The following C8orf34 variants were observed in gnomAD, a reference collection of about 807,000 sequenced individuals.
The protein encoded by C8orf34 is uncharacterized protein C8orf34.
In C8orf34, 65 loss-of-function variants were observed where a neutral mutation model predicts 68.3. The observed-to-expected ratio is 0.95, with a 90% confidence interval of 0.78 to 1.17. The LOEUF (loss-of-function observed/expected upper bound fraction) is 1.17. C8orf34 is among the 50% of genes most tolerant of loss of function. The pLI is 0.00. For missense variants in C8orf34, 664 were observed against 655.4 expected, an observed-to-expected ratio of 1.01 and a Z score of -0.14; for synonymous variants, 244 against 241.2, an observed-to-expected ratio of 1.01 and a Z score of -0.11.
At chr8:68,758,734 C>T (rs1430905145) in intron 10 of C8orf34, among the ~76,000 whole-genome samples, 1 of 140,876 alleles carries the variant, frequency 7.1e-6, no homozygotes, top group Non-Finnish European at 1.5e-5. Context: ...AGAGACTGTA[C>T]ATTATTCCCT....
At chr8:68,535,940 C>A (rs1399627624) in intron 7 of C8orf34, 9 of 857,968 alleles carry the variant, frequency 1.0e-5, no homozygotes, top group Admixed American at 6.2e-5. Context: ...AAGATATTTT[C>A]AAATATTTTA....
At chr8:68,607,668 G>A (rs1376535380) in intron 7 of C8orf34, among the ~76,000 whole-genome samples, 1 of 152,030 alleles carries the variant, frequency 6.6e-6, no homozygotes, top group East Asian at 1.9e-4. Context: ...GAAAAATCCA[G>A]ATTTATTGTA....
intron 10 of C8orf34, among the ~76,000 whole-genome samples, chr8:68,737,065 G>T (rs974929357): frequency 6.6e-6 from 1 of 152,048 alleles, no homozygotes; most frequent in Non-Finnish European, 1.5e-5. Context: ...ACAACTATAA[G>T]TAATAGGATT....
At chr8:68,335,990 G>A (rs907105917) in intron 1 of C8orf34, among the ~76,000 whole-genome samples, 1 of 152,164 alleles carries the variant, frequency 6.6e-6, no homozygotes, top group African/African-American at 2.4e-5. Flanking sequence ...GGGAGGCTGA[G>A]GCAGGAGAAT....
rs79547100 is a variant in C8orf34, at chr8:68,356,150, T to A, written c.327+24811T>A. Among the ~76,000 whole-genome samples the A allele has an allele frequency of 8.1e-3, 1,233 of 152,276 alleles. 41 individuals carry two copies. The East Asian group carries it at 0.1, about 13-fold the overall frequency. On this transcript the variant is annotated intron_variant, in intron 1 of 13. Transcript: ENST00000518698. ...CAAATGCGTTTATGAATGAAAAATA[T>A]CAGGGCAAGCCTGTCAAATCTGAAA...
chr8:68,564,060 C>A (rs1158302105), intron 7 of C8orf34, among the ~76,000 whole-genome samples: 8 of 152,282 alleles, frequency 5.3e-5, no homozygotes, highest in African/African-American at 1.9e-4. Context: ...ACTATAGAGT[C>A]TGCATATCCT....
At chr8:68,743,962 C>T (rs1822390864) in intron 10 of C8orf34, among the ~76,000 whole-genome samples, 1 of 152,176 alleles carries the variant, frequency 6.6e-6, no homozygotes. Flanking sequence ...CAGCAGTAAC[C>T]TCTGCAGACT....
chr8:68,691,472 C>G (rs552809973), intron 8 of C8orf34, among the ~76,000 whole-genome samples: 20 of 151,962 alleles, frequency 1.3e-4, no homozygotes, highest in Admixed American at 4.6e-4. Flanking sequence ...GGAACAGAAC[C>G]CACATTATCT....
At chr8:68,629,935 T>C (rs1197790875) in intron 7 of C8orf34, among the ~76,000 whole-genome samples, 1 of 152,066 alleles carries the variant, frequency 6.6e-6, no homozygotes, top group East Asian at 1.9e-4. Flanking sequence ...GTATAGCAAA[T>C]AATTTTAAAA....
chr8:68,774,563 G>A lies in C8orf34; in HGVS notation c.1405-1836G>A, dbSNP rs576604703. Among the ~76,000 whole-genome samples the A allele has an allele frequency of 7.9e-5, 12 of 151,706 alleles. 1 individual carries two copies. The South Asian group carries it at 2.5e-3, about 32-fold the overall frequency. ...AAGCATTTGGAAACATTTAAACTACGGCATATTAATGTTTTGCCAGTGGAA... is the reference window on the plus strand; with the variant it reads ...AAGCATTTGGAAACATTTAAACTACAGCATATTAATGTTTTGCCAGTGGAA... On this transcript the variant is annotated intron_variant, in intron 10 of 13. Coordinates refer to ENST00000518698, the MANE Select transcript of C8orf34 (RefSeq NM_052958.4).
intron 5 of C8orf34, among the ~76,000 whole-genome samples, chr8:68,489,495 A>C (rs1278838073): frequency 6.6e-6 from 1 of 152,212 alleles, no homozygotes; most frequent in Non-Finnish European, 1.5e-5. Context: ...GTCTAAAACA[A>C]AATTCATTTG....
chr8:68,640,983 C>A (rs969866899), intron 8 of C8orf34, among the ~76,000 whole-genome samples: 1 of 152,228 alleles, frequency 6.6e-6, no homozygotes, highest in Non-Finnish European at 1.5e-5. Context: ...TGGAAGCAAT[C>A]TTTGCATATA....
rs117134577 is a variant in C8orf34 at position 68,814,580 on chromosome 8, G to A, written c.1550-1306G>A. ...TCCTATTCATCTAAATTTTAATACCGAAAAATGTTAAATACCCATTACTTG... is the reference window on the plus strand; with the variant it reads ...TCCTATTCATCTAAATTTTAATACCAAAAAATGTTAAATACCCATTACTTG... On this transcript the variant is annotated intron_variant, in intron 12 of 13. Transcript: ENST00000518698. Among the ~76,000 whole-genome samples the A allele has an allele frequency of 6.6e-5, 10 of 151,954 alleles. No individual in the cohort carries two copies. The East Asian group carries it at 9.7e-4, about 15-fold the overall frequency.
chr8:68,569,697 G>C lies in C8orf34; in HGVS notation c.1105+36548G>C, dbSNP rs1250106518. Among the ~76,000 whole-genome samples the C allele has an allele frequency of 2.0e-5, 3 of 152,330 alleles. No individual in the cohort carries two copies. In the East Asian group the frequency reaches 5.8e-4, roughly 29 times the overall value. ...TTCAGGGAAATAGTTTAGCTAAGTT[G>C]TCAGAGTACTACAAACTCTGTGCTG... is the stretch of plus-strand genomic sequence containing the variant. On this transcript the variant is annotated intron_variant, in intron 7 of 13. Transcript: ENST00000518698.
At chr8:68,808,688 C>T (rs1393744561) in intron 12 of C8orf34, among the ~76,000 whole-genome samples, 1 of 151,776 alleles carries the variant, frequency 6.6e-6, no homozygotes, top group African/African-American at 2.4e-5. Flanking sequence ...AAATACTGTG[C>T]CATTTTTTAT....
chr8:68,582,198 T>C (rs1483347227), intron 7 of C8orf34, among the ~76,000 whole-genome samples: 4 of 152,074 alleles, frequency 2.6e-5, no homozygotes, highest in African/African-American at 9.7e-5. Context: ...TTAGACTCAA[T>C]GAAGAACGGA....
intron 7 of C8orf34, among the ~76,000 whole-genome samples, chr8:68,630,945 ATTTTTTTTTTTTTT>A (rs36031699): frequency 2.5e-5 from 3 of 118,342 alleles, no homozygotes; most frequent in Admixed American, 9.1e-5. Context: ...ATGCCCAGCT[ATTTTTTTTTTTTTT>A]TTTTTTTTAA....
intron 1 of C8orf34, among the ~76,000 whole-genome samples, chr8:68,376,811 C>T (rs1807823320): frequency 6.6e-6 from 1 of 152,080 alleles, no homozygotes; most frequent in African/African-American, 2.4e-5. Context: ...TACCCTTCAT[C>T]TAGAATCTGA....
intron 8 of C8orf34, among the ~76,000 whole-genome samples, chr8:68,653,342 T>C (rs941760730): frequency 6.6e-6 from 1 of 152,256 alleles, no homozygotes; most frequent in Non-Finnish European, 1.5e-5. Flanking sequence ...TATCTTACTC[T>C]GTATAGCAAT....
Sources: gnomAD v4.1 joint callset for allele counts (sites outside exome capture counted in the v4.1 genomes callset) on GRCh38, gnomAD v4.1.1 for gene constraint, MANE v1.5 for transcripts, NCBI Gene and HGNC (gene_info 2026-07-23, HGNC 2026-07-21) for gene names.